The following AKR1B15 variants were observed in gnomAD, a reference collection of about 807,000 sequenced individuals.
The protein encoded by AKR1B15 is estradiol 17-beta-dehydrogenase AKR1B15.
In AKR1B15, 49 loss-of-function variants were observed where a neutral mutation model predicts 38.5. The observed-to-expected ratio is 1.27, with a 90% CI of 1.01 to 1.62. The LOEUF is 1.62. AKR1B15 is among the 40% of genes most tolerant of loss of function. The pLI is 0.00. For synonymous variants in AKR1B15, 137 were observed against 135.5 expected (o/e 1.01, Z -0.08); for missense variants, 411 against 381.6 (o/e 1.08, Z -0.64).
intron 3 of AKR1B15, 103 bp downstream of exon 3, chr7:134,564,872 G>T: frequency 1.9e-6 from 1 of 524,878 alleles, no homozygotes; most frequent in Non-Finnish European, 3.4e-6. Flanking sequence ...CCTGGGTCAA[G>T]TGGGGACTTG....
intron 2 of AKR1B15, among the ~76,000 whole-genome samples, chr7:134,563,164 C>T (rs1794460108): frequency 6.6e-6 from 1 of 152,110 alleles, no homozygotes; most frequent in South Asian, 2.1e-4. Context: ...ATAATTCATT[C>T]ACAGAATCCT....
chr7:134,559,290 A>G (rs1402767953), intron 2 of AKR1B15, among the ~76,000 whole-genome samples: 1 of 152,162 alleles, frequency 6.6e-6, no homozygotes, highest in African/African-American at 2.4e-5. Flanking sequence ...TCAAGCATGT[A>G]TAAGTATGGA....
intron 2 of AKR1B15, among the ~76,000 whole-genome samples, chr7:134,562,815 T>TCTTC (rs200713799): frequency 6.8e-6 from 1 of 146,674 alleles, no homozygotes; most frequent in Non-Finnish European, 1.5e-5. Context: ...TTCCTTCCTT[T>TCTTC]CTTCCTTCCT....
intron 11 of AKR1B15, 116 bp from the exon 12 acceptor site, chr7:134,579,391 G>A (rs771383794): frequency 2.5e-6 from 2 of 815,096 alleles, no homozygotes; most frequent in Non-Finnish European, 3.7e-6. Context: ...GTTCTTGCAG[G>A]GAGGAGGCTG....
At chr7:134,563,084 C>T (rs989874178) in intron 2 of AKR1B15, among the ~76,000 whole-genome samples, 3 of 151,842 alleles carry the variant, frequency 2.0e-5, no homozygotes, top group East Asian at 1.9e-4. Context: ...TTTGTTGACT[C>T]ATCGTGAACA....
chr7:134,578,795 C>T (rs1794818074), intron 11 of AKR1B15, among the ~76,000 whole-genome samples: 1 of 152,244 alleles, frequency 6.6e-6, no homozygotes. Context: ...AGCCTTTCCT[C>T]ATCTTACAAT....
chr7:134,567,894 A>G (rs949698757), intron 3 of AKR1B15, among the ~76,000 whole-genome samples: 1 of 152,170 alleles, frequency 6.6e-6, no homozygotes, highest in African/African-American at 2.4e-5. Context: ...AAACTTTTCT[A>G]AACTGTGTAT....
intron 6 of AKR1B15, among the ~76,000 whole-genome samples, chr7:134,572,212 A>G (rs1319551333): frequency 6.6e-6 from 1 of 152,166 alleles, no homozygotes; most frequent in East Asian, 1.9e-4. Context: ...ATGACATTTG[A>G]AACCTAGATT....
intron 3 of AKR1B15, chr7:134,565,404 TC>T: frequency 6.2e-7 from 1 of 1,607,856 alleles, no homozygotes; most frequent in South Asian, 1.1e-5. Flanking sequence ...CCACGAACCC[TC>T]TGGAAGGAAC....
intron 1 of AKR1B15, among the ~76,000 whole-genome samples, chr7:134,554,877 T>C (rs1255692507): frequency 6.6e-6 from 1 of 152,198 alleles, no homozygotes; most frequent in Non-Finnish European, 1.5e-5. Flanking sequence ...GCTCAGTCGG[T>C]CAGCAAGGCA....
chr7:134,568,920 G>A (rs1199237697), intron 4 of AKR1B15, among the ~76,000 whole-genome samples: 1 of 151,896 alleles, frequency 6.6e-6, no homozygotes, highest in Non-Finnish European at 1.5e-5. Flanking sequence ...ACATCTGGTG[G>A]GACAAATAGA....
At chr7:134,555,664 T>C (rs1156722281) in intron 1 of AKR1B15, among the ~76,000 whole-genome samples, 1 of 152,128 alleles carries the variant, frequency 6.6e-6, no homozygotes, top group Non-Finnish European at 1.5e-5. Context: ...AGTCGGTTTA[T>C]GTGCTTTGTT....
intron 5 of AKR1B15, among the ~76,000 whole-genome samples, chr7:134,571,337 T>C (rs1562950692): frequency 6.6e-6 from 1 of 152,238 alleles, no homozygotes; most frequent in Non-Finnish European, 1.5e-5. Flanking sequence ...GTGAGGTTAA[T>C]GTCCATGGTG....
In AKR1B15 at chr7:134,566,892, TCC is replaced by T. The variant is rs150590379; in HGVS notation, c.151-1265_151-1264del. Among the ~76,000 whole-genome samples the T allele has an allele frequency of 1.4e-4, 21 of 152,300 alleles. 1 individual carries two copies. The East Asian group carries it at 4.1e-3, about 29-fold the overall frequency. ...GATTTGCCCCAAATCAGAGCTTTAA[TCC>T]TATATAAATGGAACAAATAATCACT... On this transcript the variant is annotated intron_variant, in intron 3 of 11. Coordinates refer to ENST00000457545, the MANE Select transcript of AKR1B15 (RefSeq NM_001080538.3).
chr7:134,560,740 T>TA (rs1794362164), intron 2 of AKR1B15, among the ~76,000 whole-genome samples: 1 of 152,194 alleles, frequency 6.6e-6, no homozygotes, highest in Non-Finnish European at 1.5e-5. Context: ...AAGAGGGTTC[T>TA]AATGGTTGTA....
chr7:134,579,700 A>C lies in AKR1B15; in HGVS notation c.*151A>C. On this transcript the variant is annotated 3_prime_UTR_variant, in exon 12 of 12. Coordinates refer to ENST00000457545, the MANE Select transcript of AKR1B15 (RefSeq NM_001080538.3). ...CCAGAATGGAGGTGCTGTTTTAGAC[A>C]TGTATTTCTGTATGTTCAACTAGGA... The C allele has an allele frequency of 1.6e-6, 1 of 614,894 alleles. No homozygotes were observed. The highest frequency in any genetic ancestry group is 2.7e-6 in the Non-Finnish European group (1 of 371,032). 38.1% of individuals were successfully genotyped at this position (614,894 alleles called of 1,614,324 possible). A position where few individuals can be genotyped will look rare whatever the true frequency, so the allele number is the denominator to read the frequency against.
At chr7:134,561,860 C>T (rs1455829360) in intron 2 of AKR1B15, among the ~76,000 whole-genome samples, 1 of 152,220 alleles carries the variant, frequency 6.6e-6, no homozygotes, top group East Asian at 1.9e-4. Context: ...CATCTCTGCA[C>T]TGAACCTGCA....
chr7:134,561,342 G>A (rs1228458712), intron 2 of AKR1B15, among the ~76,000 whole-genome samples: 3 of 152,040 alleles, frequency 2.0e-5, no homozygotes, highest in Non-Finnish European at 4.4e-5. Flanking sequence ...CAAGCAGCTG[G>A]GACTACAGAT....
At chr7:134,567,192 A>T (rs1024425033) in intron 3 of AKR1B15, among the ~76,000 whole-genome samples, 3 of 152,150 alleles carry the variant, frequency 2.0e-5, no homozygotes, top group African/African-American at 7.2e-5. Flanking sequence ...AATGTTTGTT[A>T]CCTCACAATA....
Sources: allele counts gnomAD v4.1 joint callset (sites outside exome capture counted in the v4.1 genomes callset), GRCh38; gene constraint gnomAD v4.1.1; transcripts MANE v1.5; gene names NCBI Gene and HGNC (gene_info 2026-07-23, HGNC 2026-07-21).